The following NALCN variants were observed in gnomAD, a reference collection of about 807,000 sequenced individuals.
The protein encoded by NALCN is sodium leak channel, non-selective.
In NALCN, 111 loss-of-function variants were observed where a neutral mutation model predicts 225.3. That is an observed-to-expected ratio of 0.49 (90% CI 0.42 to 0.58). The LOEUF (loss-of-function observed/expected upper bound fraction) is 0.58. NALCN is among the 20% of genes least tolerant of loss of function. NALCN has a pLI of 0.00. For synonymous variants in NALCN, 764 were observed against 769.0 expected, an observed-to-expected ratio of 0.99 and a Z score of 0.11; for missense variants, 1,378 against 2,202.4, an observed-to-expected ratio of 0.63 and a Z score of 7.49.
rs1398135165 is a variant in NALCN at position 101,054,045 on chromosome 13, CCT to C, written c.*1248_*1249del. ...GAGGTCACAGGATTCTGAGATAATC[CCT>C]CTGTTAAAAAACATCTGAACAGCAA... On this transcript the variant is annotated 3_prime_UTR_variant, in exon 44 of 44. Transcript: ENST00000251127. 1.3e-5 allele frequency: 2 copies of C among 151,946 alleles called. No individual in the cohort carries two copies. Among genetic ancestry groups the C allele is most frequent in the Admixed American group, 6.6e-5 (1 of 15,248 alleles). The allele number at this position is 151,946 out of a possible 1,614,324, so 9.4% of individuals were successfully genotyped here.
intron 11 of NALCN, among the ~76,000 whole-genome samples, chr13:101,245,093 C>T (rs1477907260): frequency 3.3e-5 from 5 of 152,156 alleles, no homozygotes; most frequent in East Asian, 1.9e-4. Flanking sequence ...AAAAGTGGAA[C>T]GGTGGCTTCC....
chr13:101,092,797 C>A (rs745492037), intron 28 of NALCN, among the ~76,000 whole-genome samples: 2 of 152,148 alleles, frequency 1.3e-5, no homozygotes, highest in Non-Finnish European at 2.9e-5. Flanking sequence ...AACCTGATCA[C>A]CTTCTTCCTA....
In NALCN at chr13:101,228,514, C is replaced by G. The variant is rs1011842015; in HGVS notation, c.1626+879G>C. The stretch of plus-strand genomic sequence containing the variant: ...CTCTTGTGGTAGTGAATAAGTCTCA[C>G]GAGATCTGATGGTTTTATAAGAGGT... On this transcript the variant is annotated intron_variant, in intron 13 of 43. Coordinates refer to ENST00000251127, the MANE Select transcript of NALCN (RefSeq NM_052867.4). 9.2e-5 allele frequency among the ~76,000 whole-genome samples: 14 copies of G among 152,182 alleles called. No individual in the cohort carries two copies. In the South Asian group the frequency reaches 2.9e-3, roughly 32 times the overall value.
intron 6 of NALCN, among the ~76,000 whole-genome samples, chr13:101,371,363 G>A (rs570445582): frequency 1.3e-5 from 2 of 152,138 alleles, no homozygotes; most frequent in South Asian, 2.1e-4. Flanking sequence ...CTATCACCCA[G>A]GCTGGAGTGC....
Position 101,244,466 on chromosome 13 carries a change from A to G in NALCN, c.1267-6544T>C, listed in dbSNP as rs192011739. Among the ~76,000 whole-genome samples the G allele has an allele frequency of 3.9e-5, 6 of 152,344 alleles. No homozygotes were observed. The East Asian group carries it at 1.2e-3, about 29-fold the overall frequency. The stretch of plus-strand genomic sequence containing the variant: ...AGATTTAGCAAATTGTTATGTGATT[A>G]TATTTAAATATCTATAGTCTCACTG... On this transcript the variant is annotated intron_variant, in intron 11 of 43. Transcript: ENST00000251127.
chr13:101,226,183 C>G (rs937484179), intron 13 of NALCN, among the ~76,000 whole-genome samples: 1 of 152,092 alleles, frequency 6.6e-6, no homozygotes, highest in Non-Finnish European at 1.5e-5. Context: ...GTCAGCATCA[C>G]CAGAAACATT....
chr13:101,277,748 C>T (rs1235473473), intron 10 of NALCN, among the ~76,000 whole-genome samples: 2 of 152,052 alleles, frequency 1.3e-5, no homozygotes, highest in African/African-American at 4.8e-5. Context: ...GATAGAGTCA[C>T]GGACAAAGAG....
At chr13:101,097,280 A>C (rs73556612) in intron 27 of NALCN, among the ~76,000 whole-genome samples, 1 of 152,110 alleles carries the variant, frequency 6.6e-6, no homozygotes, top group Non-Finnish European at 1.5e-5. Flanking sequence ...CTTTTTTCCT[A>C]TATGTATCTG....
chr13:101,381,109 T>G (rs1167321366), intron 3 of NALCN, among the ~76,000 whole-genome samples: 1 of 152,080 alleles, frequency 6.6e-6, no homozygotes, highest in Non-Finnish European at 1.5e-5. Flanking sequence ...CCAAACTTGG[T>G]GACTCCTGGG....
At chr13:101,318,358 T>C (rs1232556217) in intron 7 of NALCN, among the ~76,000 whole-genome samples, 1 of 152,140 alleles carries the variant, frequency 6.6e-6, no homozygotes, top group Non-Finnish European at 1.5e-5. Flanking sequence ...GGAACTGGCA[T>C]GGGCGCCGGC....
At chr13:101,088,388 T>C (rs2034035985) in intron 30 of NALCN, among the ~76,000 whole-genome samples, 1 of 152,052 alleles carries the variant, frequency 6.6e-6, no homozygotes, top group Non-Finnish European at 1.5e-5. Context: ...ATGAATAACA[T>C]CGAGCAGCAC....
At chr13:101,136,288 C>A (rs1033581072) in intron 17 of NALCN, among the ~76,000 whole-genome samples, 3 of 104,636 alleles carry the variant, frequency 2.9e-5, no homozygotes, top group African/African-American at 4.7e-5. Context: ...TAGTACGCAT[C>A]GTTTTATTTA....
chr13:101,276,469 C>T (rs1172201457), intron 10 of NALCN, among the ~76,000 whole-genome samples: 1 of 152,156 alleles, frequency 6.6e-6, no homozygotes, highest in Non-Finnish European at 1.5e-5. Flanking sequence ...CCTCCTGCTC[C>T]AAACTTGTGG....
intron 40 of NALCN, among the ~76,000 whole-genome samples, chr13:101,064,732 G>A (rs537469415): frequency 2.6e-5 from 4 of 152,198 alleles, no homozygotes; most frequent in Non-Finnish European, 2.9e-5. Context: ...AATCAGCCCC[G>A]CAATACCTCC....
At chr13:101,131,222 C>A (rs900995893) in intron 17 of NALCN, among the ~76,000 whole-genome samples, 2 of 152,004 alleles carry the variant, frequency 1.3e-5, no homozygotes, top group Non-Finnish European at 2.9e-5. Flanking sequence ...TTTTTAATGT[C>A]TTTTAACTAA....
intron 6 of NALCN, among the ~76,000 whole-genome samples, chr13:101,360,900 G>C (rs949562961): frequency 1.3e-5 from 2 of 152,090 alleles, no homozygotes; most frequent in African/African-American, 4.8e-5. Flanking sequence ...CTAGCTAGAA[G>C]ACTAACATTT....
Position 101,104,214 on chromosome 13 carries a change from C to T in NALCN, c.2889+81G>A. The T allele has an allele frequency of 6.7e-7, 1 of 1,502,282 alleles. No individual in the cohort carries two copies. Among genetic ancestry groups the T allele is most frequent in the Non-Finnish European group, 8.9e-7 (1 of 1,121,542 alleles). The allele number at this position is 1,502,282 out of a possible 1,614,324, so 93.1% of individuals were successfully genotyped here. ...GGAATCTAAGCCTCTGTAACTCATA[C>T]CTCTTGCGCTTATACCAAGAAATGC... On this transcript the variant is annotated intron_variant, in intron 25 of 43. Coordinates refer to ENST00000251127, the MANE Select transcript of NALCN (RefSeq NM_052867.4). This position sits in a 1 kb window ranked among gnomAD's most constrained non-coding sequence, Gnocchi z 4.2.
At chr13:101,185,756 A>C (rs1166106515) in intron 14 of NALCN, among the ~76,000 whole-genome samples, 1 of 152,242 alleles carries the variant, frequency 6.6e-6, no homozygotes, top group Non-Finnish European at 1.5e-5. Context: ...AACAAGCTGC[A>C]ACCACACATT....
intron 18 of NALCN, among the ~76,000 whole-genome samples, chr13:101,115,255 T>C (rs113938393): frequency 0.023 from 3,475 of 151,676 alleles, 54 homozygotes; most frequent in Non-Finnish European, 0.036. Flanking sequence ...GAAGAGACAG[T>C]AATGAAAAAA....
Sources: allele counts gnomAD v4.1 joint callset (sites outside exome capture counted in the v4.1 genomes callset), GRCh38; gene constraint gnomAD v4.1.1; non-coding constraint Gnocchi (gnomAD v3.1); transcripts MANE v1.5; gene names NCBI Gene and HGNC (gene_info 2026-07-23, HGNC 2026-07-21).